Variants in POLA2 observed in about 807,000 individuals in gnomAD.
POLA2 encodes the protein DNA polymerase alpha subunit B.
In POLA2, 47 loss-of-function variants were observed where a neutral mutation model predicts 82.8. The ratio of observed to expected loss-of-function variants is 0.57; its 90% CI spans 0.45 to 0.72. The LOEUF is 0.72. Among genes scored for constraint, POLA2 ranks in the 30% least tolerant of loss-of-function variants. The probability of loss-of-function intolerance (pLI) is 0.00; values close to 1 mark genes in which losing one functional copy is unlikely to be tolerated. For synonymous variants in POLA2, 287 were observed against 286.8 expected (o/e 1.00, Z -0.01); for missense variants, 634 against 728.1 (o/e 0.87, Z 1.49).
At chr11:65,288,991 T>C in intron 11 of POLA2, 59 bp from the exon 12 acceptor site, 4 of 1,511,810 alleles carry the variant, frequency 2.6e-6, no homozygotes, top group Non-Finnish European at 3.7e-6. Flanking sequence ...TCTGAAGTCA[T>C]TCACAGACAC....
At chr11:65,280,613 A>G (rs2137541528) in intron 7 of POLA2, 1 of 215,348 alleles carries the variant, frequency 4.6e-6, no homozygotes, top group African/African-American at 2.3e-5. Flanking sequence ...AGTGCATGGT[A>G]TTTAGTAAGC....
At chr11:65,280,298 C>A (rs1008196471) in intron 7 of POLA2, among the ~76,000 whole-genome samples, 8 of 152,228 alleles carry the variant, frequency 5.3e-5, no homozygotes, top group Non-Finnish European at 1.2e-4. Context: ...ATGAGACTTC[C>A]TCTGTTTTCT....
chr11:65,286,676 C>T (rs1431058239), intron 10 of POLA2, among the ~76,000 whole-genome samples: 1 of 152,158 alleles, frequency 6.6e-6, no homozygotes, highest in Non-Finnish European at 1.5e-5. Flanking sequence ...AGGCGTTGAG[C>T]CACCACACCT....
intron 4 of POLA2, among the ~76,000 whole-genome samples, chr11:65,271,142 T>A (rs561668237): frequency 6.6e-6 from 1 of 152,360 alleles, no homozygotes; most frequent in South Asian, 2.1e-4. Context: ...GTTATATACT[T>A]ACTTTTTTGT....
chr11:65,262,855 G>T lies in POLA2; in HGVS notation c.79+484G>T, dbSNP rs576752264. Among the ~76,000 whole-genome samples, 6 of 152,236 alleles carry T rather than the reference G, an allele frequency of 3.9e-5. No individual in the cohort carries two copies. In the South Asian group the frequency reaches 1.2e-3, roughly 32 times the overall value. On this transcript the variant is annotated intron_variant, in intron 1 of 17. Coordinates refer to ENST00000265465, the MANE Select transcript of POLA2 (RefSeq NM_002689.4). ...GTGCAAATATGAATCCCTTGAGGTA[G>T]GTTCCTAAAATTGAATTTGAGCTGT...
intron 1 of POLA2, among the ~76,000 whole-genome samples, chr11:65,265,554 C>T (rs1949450587): frequency 6.6e-6 from 1 of 152,036 alleles, no homozygotes; most frequent in South Asian, 2.1e-4. Context: ...AATCACAGCT[C>T]ACTGCAGCCT....
chr11:65,302,583 G>T (rs993174401), downstream of POLA2, among the ~76,000 whole-genome samples: 2 of 152,172 alleles, frequency 1.3e-5, no homozygotes, highest in African/African-American at 4.8e-5. Context: ...CTTTCCTCCT[G>T]AGGACTCGAG....
chr11:65,282,183 G>A (rs73484964), intron 9 of POLA2, among the ~76,000 whole-genome samples: 14 of 152,324 alleles, frequency 9.2e-5, no homozygotes, highest in African/African-American at 3.4e-4. Flanking sequence ...TTGCCTAGAA[G>A]TACACTGATA....
intron 1 of POLA2, 39 bp from the exon 2 acceptor site, chr11:65,266,543 T>G (rs772621263): frequency 3.7e-6 from 6 of 1,609,632 alleles, no homozygotes; most frequent in Non-Finnish European, 5.1e-6. Flanking sequence ...CTTCGAGAAA[T>G]GAACTAAGTT....
intron 10 of POLA2, among the ~76,000 whole-genome samples, chr11:65,283,238 T>C (rs1359612525): frequency 6.6e-6 from 1 of 152,214 alleles, no homozygotes; most frequent in East Asian, 1.9e-4. Flanking sequence ...AACATCTGAA[T>C]AAAGCCAGGA....
chr11:65,263,159 GAA>G (rs1949418257), intron 1 of POLA2, among the ~76,000 whole-genome samples: 1 of 150,440 alleles, frequency 6.6e-6, no homozygotes, highest in South Asian at 2.1e-4. Flanking sequence ...TTTATGGTGA[GAA>G]ATTCCTTTCA....
chr11:65,271,240 A>G (rs886687400), intron 4 of POLA2, among the ~76,000 whole-genome samples: 2 of 152,196 alleles, frequency 1.3e-5, no homozygotes, highest in African/African-American at 2.4e-5. Flanking sequence ...GCACCCTGGC[A>G]TGTTAATAGT....
At chr11:65,279,658 A>G (rs1949619556) in intron 7 of POLA2, 32 bp downstream of exon 7, 3 of 1,436,104 alleles carry the variant, frequency 2.1e-6, no homozygotes, top group Non-Finnish European at 2.9e-6. Flanking sequence ...CTCACTAATT[A>G]ATATTACGTT....
At chr11:65,263,205 G>T (rs1444565584) in intron 1 of POLA2, among the ~76,000 whole-genome samples, 11 of 149,546 alleles carry the variant, frequency 7.4e-5, no homozygotes, top group African/African-American at 2.7e-4. Context: ...CATGCCCAGT[G>T]CCTTCTCTCT....
chr11:65,296,020 A>G (rs1949807486), intron 17 of POLA2, 30 bp downstream of exon 17: 1 of 1,613,764 alleles, frequency 6.2e-7, no homozygotes, highest in Non-Finnish European at 8.5e-7. Flanking sequence ...TTTCCCAGAA[A>G]CACCAGAACC....
chr11:65,296,058 C>T lies in POLA2; in HGVS notation c.1647+68C>T, dbSNP rs545257393. On this transcript the variant is annotated intron_variant, in intron 17 of 17. Transcript: ENST00000265465. ...GTCTTTGACTTTCCCTTCTAGACCA[C>T]CCGGCACTCACCCCTCATGGGTCAG... 15 of 1,579,332 alleles carry T rather than the reference C, an allele frequency of 9.5e-6. No homozygotes were observed. In the African/African-American group the frequency reaches 1.3e-4, roughly 14 times the overall value.
chr11:65,268,807 GA>G (rs1167095126), intron 4 of POLA2, 78 bp downstream of exon 4: 2 of 950,548 alleles, frequency 2.1e-6, no homozygotes, highest in Non-Finnish European at 3.2e-6. Context: ...AGATCTGAGG[GA>G]AAAAATCAAC....
chr11:65,303,274 G>A (rs1428856208), downstream of POLA2, among the ~76,000 whole-genome samples: 5 of 151,454 alleles, frequency 3.3e-5, no homozygotes, highest in East Asian at 5.8e-4. Context: ...CCCGGGAGGT[G>A]GAGCTTGCAG....
At chr11:65,280,490 C>G (rs1244588396) in intron 7 of POLA2, 1 of 152,868 alleles carries the variant, frequency 6.5e-6, no homozygotes, top group Non-Finnish European at 1.5e-5. Context: ...TCTAACCTTT[C>G]TGTTGCTTGT....
Sources: gnomAD v4.1 joint callset for allele counts (sites outside exome capture counted in the v4.1 genomes callset) on GRCh38, gnomAD v4.1.1 for gene constraint, MANE v1.5 for transcripts, NCBI Gene and HGNC (gene_info 2026-07-23, HGNC 2026-07-21) for gene names.